MEOX2: variants seen among roughly 807,000 people sequenced by gnomAD.
MEOX2 encodes homeobox protein MOX-2.
In MEOX2, 11 loss-of-function variants were observed where a neutral mutation model predicts 27.0. That is an observed-to-expected ratio of 0.41 (90% CI 0.26 to 0.68). MEOX2 has a LOEUF of 0.68. Among genes scored for constraint, MEOX2 ranks in the 30% least tolerant of loss-of-function variants. The pLI is 0.33. For synonymous variants in MEOX2, 189 were observed against 155.4 expected (o/e 1.22, Z -1.61); for missense variants, 436 against 385.4 (o/e 1.13, Z -1.10).
intron 1 of MEOX2, among the ~76,000 whole-genome samples, chr7:15,672,749 G>A (rs1274261302): frequency 6.6e-6 from 1 of 151,760 alleles, no homozygotes; most frequent in African/African-American, 2.4e-5. Context: ...AAAATTAGCC[G>A]GGTATGGTGG....
At chr7:15,633,723 G>A (rs1781438479) in intron 1 of MEOX2, among the ~76,000 whole-genome samples, 1 of 151,862 alleles carries the variant, frequency 6.6e-6, no homozygotes, top group East Asian at 1.9e-4. Flanking sequence ...AAGCAGTGAT[G>A]TAGAAATTAT....
chr7:15,644,521 A>G (rs1013707414), intron 1 of MEOX2, among the ~76,000 whole-genome samples: 2 of 152,202 alleles, frequency 1.3e-5, no homozygotes. Context: ...TTCTCCAAGA[A>G]AAGGTGAATC....
chr7:15,638,402 C>T (rs1321713966), intron 1 of MEOX2, among the ~76,000 whole-genome samples: 1 of 152,122 alleles, frequency 6.6e-6, no homozygotes, highest in Non-Finnish European at 1.5e-5. Context: ...AGTTAACACA[C>T]TTAAAATACT....
intron 1 of MEOX2, among the ~76,000 whole-genome samples, chr7:15,672,285 G>A (rs1015662611): frequency 6.6e-6 from 1 of 151,846 alleles, no homozygotes; most frequent in African/African-American, 2.4e-5. Context: ...TATTAGACTG[G>A]CATATTAAAT....
At chr7:15,651,253 C>T (rs547045669) in intron 1 of MEOX2, among the ~76,000 whole-genome samples, 3 of 152,022 alleles carry the variant, frequency 2.0e-5, no homozygotes, top group South Asian at 2.1e-4. Context: ...AAAATATCCA[C>T]GCTCCTTGGA....
intron 1 of MEOX2, among the ~76,000 whole-genome samples, chr7:15,639,392 G>T (rs1387616380): frequency 6.6e-6 from 1 of 151,982 alleles, no homozygotes; most frequent in Non-Finnish European, 1.5e-5. Flanking sequence ...TTTGTTGGAT[G>T]CAGAGTTTTT....
chr7:15,655,418 G>T (rs1017389928), intron 1 of MEOX2, among the ~76,000 whole-genome samples: 35 of 150,686 alleles, frequency 2.3e-4, no homozygotes, highest in African/African-American at 7.6e-4. Flanking sequence ...CCTTCCTTTT[G>T]CTTGCTTTGA....
chr7:15,680,999 G>T (rs1234088933), intron 1 of MEOX2: 1 of 150,004 alleles, frequency 6.7e-6, no homozygotes, highest in African/African-American at 2.5e-5. Flanking sequence ...ATATCTTCCT[G>T]CACAAAATGT....
At chr7:15,613,415 C>T (rs1465756715) in intron 2 of MEOX2, among the ~76,000 whole-genome samples, 1 of 150,606 alleles carries the variant, frequency 6.6e-6, no homozygotes, top group Non-Finnish European at 1.5e-5. Flanking sequence ...AGCAAACAGA[C>T]ATTAAAGGTC....
intron 1 of MEOX2, among the ~76,000 whole-genome samples, chr7:15,677,290 G>T (rs1252474908): frequency 6.6e-6 from 1 of 152,200 alleles, no homozygotes; most frequent in East Asian, 1.9e-4. Context: ...GCCAGACATT[G>T]TTCTAATTGC....
At chr7:15,632,718 A>G (rs1022209650) in intron 1 of MEOX2, among the ~76,000 whole-genome samples, 3 of 152,002 alleles carry the variant, frequency 2.0e-5, no homozygotes, top group Admixed American at 6.6e-5. Context: ...CACTTAACAC[A>G]AAAACAAAAC....
intron 1 of MEOX2, among the ~76,000 whole-genome samples, chr7:15,660,870 AG>A (rs1471123713): frequency 6.6e-6 from 1 of 151,896 alleles, no homozygotes; most frequent in Non-Finnish European, 1.5e-5. Flanking sequence ...AAAATCAGCC[AG>A]GCATGATGGC....
chr7:15,623,484 C>T (rs1216797590), intron 2 of MEOX2, among the ~76,000 whole-genome samples: 3 of 152,164 alleles, frequency 2.0e-5, no homozygotes, highest in Non-Finnish European at 4.4e-5. Context: ...TTTCTCCTGC[C>T]TCAGCCTCCC....
chr7:15,641,061 C>A (rs1039383831), intron 1 of MEOX2, among the ~76,000 whole-genome samples: 5 of 151,896 alleles, frequency 3.3e-5, no homozygotes, highest in Non-Finnish European at 5.9e-5. Flanking sequence ...AAACTCTCCT[C>A]CTTGATTTCT....
chr7:15,651,711 G>T (rs542051843), intron 1 of MEOX2, among the ~76,000 whole-genome samples: 2 of 152,004 alleles, frequency 1.3e-5, no homozygotes, highest in Non-Finnish European at 2.9e-5. Flanking sequence ...AGAGCCCCTT[G>T]TCCAAGTGTT....
chr7:15,662,652 C>G (rs1035481611), intron 1 of MEOX2, among the ~76,000 whole-genome samples: 14 of 152,184 alleles, frequency 9.2e-5, no homozygotes, highest in African/African-American at 3.1e-4. Flanking sequence ...TGTTATAAGC[C>G]AAATTTTGAT....
chr7:15,656,387 G>T (rs6942877), intron 1 of MEOX2, among the ~76,000 whole-genome samples: 4 of 150,628 alleles, frequency 2.7e-5, no homozygotes, highest in African/African-American at 7.3e-5. Context: ...GCTTACATCT[G>T]CCCTTTTACT....
intron 1 of MEOX2, among the ~76,000 whole-genome samples, chr7:15,650,992 G>C (rs1781724726): frequency 6.6e-6 from 1 of 151,994 alleles, no homozygotes; most frequent in African/African-American, 2.4e-5. Flanking sequence ...CTGAGATAGA[G>C]CATGCGGAAT....
intron 1 of MEOX2, among the ~76,000 whole-genome samples, chr7:15,660,600 A>G (rs1781896770): frequency 6.6e-6 from 1 of 152,084 alleles, no homozygotes; most frequent in Admixed American, 6.5e-5. Context: ...GTCTCTAGAG[A>G]TTACCAAACA....
Sources: allele counts gnomAD v4.1 joint callset (sites outside exome capture counted in the v4.1 genomes callset), GRCh38; gene constraint gnomAD v4.1.1; transcripts MANE v1.5; gene names NCBI Gene and HGNC (gene_info 2026-07-23, HGNC 2026-07-21).